The following NRXN3 variants were observed in gnomAD, a reference collection of about 807,000 sequenced individuals.
NRXN3 encodes neurexin 3.
NRXN3 carries 32 observed loss-of-function variants against 137.6 expected under a neutral mutation model. That is an observed-to-expected ratio of 0.23 (90% CI 0.18 to 0.31). The LOEUF (loss-of-function observed/expected upper bound fraction) is 0.31. Ranked by LOEUF, NRXN3 falls within the 10% of genes least tolerant of loss-of-function variation. NRXN3 has a pLI of 1.00. For missense variants in NRXN3, 1,574 were observed against 2,062.5 expected (o/e 0.76, Z 4.59); for synonymous variants, 798 against 784.5 (o/e 1.02, Z -0.29).
At chr14:79,385,461 G>T (rs2094587266) in intron 15 of NRXN3, among the ~76,000 whole-genome samples, 1 of 151,888 alleles carries the variant, frequency 6.6e-6, no homozygotes, top group African/African-American at 2.4e-5. Context: ...GTCTATCATT[G>T]TAGATGGTGT....
intron 17 of NRXN3, among the ~76,000 whole-genome samples, chr14:79,684,002 G>C (rs561568920): frequency 1.3e-5 from 2 of 152,098 alleles, no homozygotes; most frequent in Admixed American, 6.6e-5. Flanking sequence ...TTACACAGAG[G>C]AGTTTCAAAG....
chr14:78,690,697 G>T (rs7143966), intron 6 of NRXN3, among the ~76,000 whole-genome samples: 14,870 of 152,136 alleles, frequency 0.098, 786 homozygotes, highest in East Asian at 0.14. Flanking sequence ...CTGGGACAAT[G>T]AAGAGAGAAG....
chr14:79,081,412 G>A (rs2046973128), intron 15 of NRXN3, among the ~76,000 whole-genome samples: 1 of 152,016 alleles, frequency 6.6e-6, no homozygotes, highest in Non-Finnish European at 1.5e-5. Context: ...TCAGGAGACC[G>A]AGACCATCCT....
At chr14:79,280,754 T>C (rs1175508247) in intron 15 of NRXN3, 1 of 560,900 alleles carries the variant, frequency 1.8e-6, no homozygotes, top group Non-Finnish European at 3.2e-6. Context: ...CACTTTTCTC[T>C]AAAGGGTTCT....
At chr14:79,071,312 C>T (rs2099687409) in intron 15 of NRXN3, among the ~76,000 whole-genome samples, 1 of 151,918 alleles carries the variant, frequency 6.6e-6, no homozygotes, top group Non-Finnish European at 1.5e-5. Flanking sequence ...TATACATGTG[C>T]CATGGTGGTT....
chr14:78,441,041 C>G (rs1420962666), intron 4 of NRXN3, among the ~76,000 whole-genome samples: 1 of 152,136 alleles, frequency 6.6e-6, no homozygotes, highest in African/African-American at 2.4e-5. Context: ...ACCTCCTGTC[C>G]TGAAGGCTGC....
chr14:78,309,877 G>A (rs937855864), intron 4 of NRXN3, among the ~76,000 whole-genome samples: 5 of 152,082 alleles, frequency 3.3e-5, no homozygotes, highest in African/African-American at 1.2e-4. Context: ...CTTAACTCAA[G>A]TGTCTTTTTA....
intron 4 of NRXN3, among the ~76,000 whole-genome samples, chr14:78,341,872 C>A (rs1319327230): frequency 6.6e-6 from 1 of 152,170 alleles, no homozygotes; most frequent in Non-Finnish European, 1.5e-5. Flanking sequence ...TATTTAGGAT[C>A]CCTTCTTGAG....
intron 1 of NRXN3, among the ~76,000 whole-genome samples, chr14:78,201,634 A>G (rs944892702): frequency 6.6e-6 from 1 of 152,182 alleles, no homozygotes; most frequent in African/African-American, 2.4e-5. Context: ...TCAGAGTGAG[A>G]GAACACGCAC....
At chr14:78,700,927 A>G (rs2152802035) in intron 6 of NRXN3, among the ~76,000 whole-genome samples, 1 of 152,114 alleles carries the variant, frequency 6.6e-6, no homozygotes, top group Non-Finnish European at 1.5e-5. Flanking sequence ...ATCCACCACC[A>G]TGCCTGGCTA....
At chr14:78,948,754 T>A (rs2099377348) in intron 10 of NRXN3, among the ~76,000 whole-genome samples, 1 of 151,976 alleles carries the variant, frequency 6.6e-6, no homozygotes, top group Non-Finnish European at 1.5e-5. Context: ...AGAATTAGAT[T>A]TTCTGTTTCA....
At chr14:78,572,064 C>G (rs566382599) in intron 4 of NRXN3, among the ~76,000 whole-genome samples, 2 of 152,328 alleles carry the variant, frequency 1.3e-5, no homozygotes, top group Admixed American at 6.5e-5. Context: ...ATTTACATAC[C>G]TAGCTCCTGC....
At chr14:78,263,765 A>C (rs1056147972) in intron 2 of NRXN3, among the ~76,000 whole-genome samples, 2 of 152,094 alleles carry the variant, frequency 1.3e-5, no homozygotes, top group South Asian at 2.1e-4. Context: ...ATTTTCTCAC[A>C]TCAGATTTGC....
chr14:79,251,355 A>G (rs2075898939), intron 15 of NRXN3, among the ~76,000 whole-genome samples: 1 of 152,148 alleles, frequency 6.6e-6, no homozygotes, highest in Non-Finnish European at 1.5e-5. Flanking sequence ...TGCTGTGGAG[A>G]TAGTCATTTC....
chr14:79,794,214 A>T (rs1227463890), intron 19 of NRXN3, among the ~76,000 whole-genome samples: 1 of 152,104 alleles, frequency 6.6e-6, no homozygotes, highest in Non-Finnish European at 1.5e-5. Flanking sequence ...AATACAAAAA[A>T]TTAGCAGGGC....
rs1443323193 is a variant in NRXN3 at position 79,645,610 on chromosome 14, G to C, written c.3445-18168G>C. 2.0e-5 allele frequency among the ~76,000 whole-genome samples: 2 copies of C among 101,558 alleles called. 1 individual carries two copies. The highest frequency in any genetic ancestry group is 2.2e-4 in the Admixed American group (2 of 9,020). 66.6% of individuals were successfully genotyped at this position (101,558 alleles called of 152,430 possible). A position where few individuals can be genotyped will look rare whatever the true frequency, so the allele number is the denominator to read the frequency against. On this transcript the variant is annotated intron_variant, in intron 16 of 20. Transcript: ENST00000335750. ...AGCTTGGGTGACAGAATGAGACTCT[G>C]TCTCAAAAAAAAAAAAAAAAGTTTT...
intron 4 of NRXN3, among the ~76,000 whole-genome samples, chr14:78,333,727 G>T (rs2081111951): frequency 6.6e-6 from 1 of 152,164 alleles, no homozygotes; most frequent in Non-Finnish European, 1.5e-5. Context: ...TGAGGTGTGT[G>T]TGGGGGGCAT....
intron 10 of NRXN3, among the ~76,000 whole-genome samples, chr14:78,929,635 T>TAC (rs1025170509): frequency 2.0e-5 from 3 of 152,204 alleles, no homozygotes; most frequent in Non-Finnish European, 4.4e-5. Context: ...TTTGCTATCG[T>TAC]ACAGTGCTTC....
At chr14:78,549,755 G>T (rs528981292) in intron 4 of NRXN3, among the ~76,000 whole-genome samples, 1 of 152,020 alleles carries the variant, frequency 6.6e-6, no homozygotes, top group South Asian at 2.1e-4. Flanking sequence ...GTTTCTCTAC[G>T]TGAGCATGTT....
Sources: gnomAD v4.1 joint callset for allele counts (sites outside exome capture counted in the v4.1 genomes callset) on GRCh38, gnomAD v4.1.1 for gene constraint, MANE v1.5 for transcripts, NCBI Gene and HGNC (gene_info 2026-07-23, HGNC 2026-07-21) for gene names.